RAB7A: variants seen among roughly 807,000 people sequenced by gnomAD.
RAB7A encodes RAB7A, member RAS oncogene family.
RAB7A carries 2 observed loss-of-function variants against 24.5 expected under a neutral mutation model. The observed-to-expected ratio is 0.08, with a 90% CI of 0.03 to 0.26. RAB7A has a LOEUF of 0.26. Among genes scored for constraint, RAB7A ranks in the 10% least tolerant of loss-of-function variants. The pLI, the probability that RAB7A is intolerant of heterozygous loss-of-function variation, is 1.00. For missense variants in RAB7A, 118 were observed against 255.7 expected, an observed-to-expected ratio of 0.46 and a Z score of 3.67; for synonymous variants, 100 against 95.9, an observed-to-expected ratio of 1.04 and a Z score of -0.25.
chr3:128,740,406 AT>A (rs1401126247), intron 1 of RAB7A, among the ~76,000 whole-genome samples: 1 of 152,196 alleles, frequency 6.6e-6, no homozygotes, highest in Non-Finnish European at 1.5e-5. Context: ...TACTTATCTA[AT>A]CATTTCCTTA....
intron 1 of RAB7A, among the ~76,000 whole-genome samples, chr3:128,773,414 GGGA>G (rs1338013009): frequency 6.6e-6 from 1 of 151,330 alleles, no homozygotes; most frequent in Non-Finnish European, 1.5e-5. Context: ...CACCCCGTCC[GGGA>G]GGGAGGTGGG....
chr3:128,763,149 G>A (rs1341496639), intron 1 of RAB7A, among the ~76,000 whole-genome samples: 2 of 146,014 alleles, frequency 1.4e-5, no homozygotes, highest in South Asian at 2.1e-4. Context: ...TCTTTCTTGT[G>A]AAGTGGAAGT....
intron 1 of RAB7A, among the ~76,000 whole-genome samples, chr3:128,730,791 T>TG (rs1283341463): frequency 6.6e-6 from 1 of 152,244 alleles, no homozygotes; most frequent in Non-Finnish European, 1.5e-5. Flanking sequence ...TGCTTGAAGA[T>TG]GCAGTACTTA....
At chr3:128,809,936 CTTTTTTTTTTTTTT>C (rs869119619) in intron 5 of RAB7A, among the ~76,000 whole-genome samples, 2,764 of 52,382 alleles carry the variant, frequency 0.053, 186 homozygotes, top group Non-Finnish European at 0.07. Flanking sequence ...TTGCCACAGT[CTTTTTTTTTTTTTT>C]TTTTTTTTTT....
At chr3:128,782,050 G>A (rs1013809843) in intron 1 of RAB7A, among the ~76,000 whole-genome samples, 2 of 152,226 alleles carry the variant, frequency 1.3e-5, no homozygotes, top group Admixed American at 6.5e-5. Context: ...AAAACCGGAA[G>A]GTTGGCTTTC....
chr3:128,792,373 T>A (rs1410784275), intron 1 of RAB7A, among the ~76,000 whole-genome samples: 1 of 152,224 alleles, frequency 6.6e-6, no homozygotes, highest in Non-Finnish European at 1.5e-5. Context: ...TCCAAATATC[T>A]TTGCATATCC....
At chr3:128,799,498 T>C (rs144502264) in intron 3 of RAB7A, among the ~76,000 whole-genome samples, 1 of 152,298 alleles carries the variant, frequency 6.6e-6, no homozygotes, top group East Asian at 1.9e-4. Context: ...CTTGCTGAAA[T>C]GTGTGAATGA....
chr3:128,806,335 G>T, intron 3 of RAB7A, 37 bp from the exon 4 acceptor site: 1 of 1,572,470 alleles, frequency 6.4e-7, no homozygotes. Context: ...GCTCTGCCTA[G>T]CATTCTCCCA....
At position 128,737,019 on chromosome 3, in the gene RAB7A, T is replaced by G. The variant is rs568556758; in HGVS notation, c.-9+10660T>G. 6.3e-5 allele frequency among the ~76,000 whole-genome samples: 9 copies of G among 143,804 alleles called. No individual in the cohort carries two copies. In the Admixed American group the frequency reaches 6.4e-4, roughly 10 times the overall value. 94.3% of individuals were successfully genotyped at this position (143,804 alleles called of 152,430 possible). A position where few individuals can be genotyped will look rare whatever the true frequency, so the allele number is the denominator to read the frequency against. ...TGCCCGTCTTTACTCACTAATCACC[T>G]TCCGATCCTAAGAAATTTATTTATT... is the stretch of plus-strand genomic sequence containing the variant. On this transcript the variant is annotated intron_variant, in intron 1 of 5. Transcript: ENST00000265062.
At chr3:128,762,006 TA>T (rs2070779405) in intron 1 of RAB7A, among the ~76,000 whole-genome samples, 1 of 152,246 alleles carries the variant, frequency 6.6e-6, no homozygotes, top group African/African-American at 2.4e-5. Context: ...CCAGTTATCT[TA>T]AAGTGGGATT....
At chr3:128,795,897 G>A (rs1262834826) in intron 2 of RAB7A, among the ~76,000 whole-genome samples, 1 of 151,500 alleles carries the variant, frequency 6.6e-6, no homozygotes, top group Non-Finnish European at 1.5e-5. Flanking sequence ...GACTACAGGC[G>A]CCCGCCACCA....
intron 3 of RAB7A, 95 bp downstream of exon 3, chr3:128,798,164 A>G: frequency 2.0e-6 from 3 of 1,479,314 alleles, no homozygotes; most frequent in Non-Finnish European, 1.9e-6. Flanking sequence ...CCTGTTCTTC[A>G]AATCTTATTA....
rs147341430 is a variant in RAB7A, at chr3:128,765,071, C to CG, written c.-8-30284dup. 2,315 of 1,022,970 alleles carry CG rather than the reference C, an allele frequency of 2.3e-3. 37 individuals are homozygous for CG. The African/African-American group carries it at 0.033, about 14-fold the overall frequency. 63.4% of individuals were successfully genotyped at this position (1,022,970 alleles called of 1,614,324 possible). A position where few individuals can be genotyped will look rare whatever the true frequency, so the allele number is the denominator to read the frequency against. ...TGGCTGCGCGGCGCTGGAGCGGCGG[C>CG]GGGGGCCTTGGGATGGTCCGAGGGT... On this transcript the variant is annotated intron_variant, in intron 1 of 5. Coordinates refer to ENST00000265062, the MANE Select transcript of RAB7A (RefSeq NM_004637.6).
At chr3:128,745,998 T>A (rs2070610555) in intron 1 of RAB7A, among the ~76,000 whole-genome samples, 1 of 152,254 alleles carries the variant, frequency 6.6e-6, no homozygotes, top group East Asian at 1.9e-4. Context: ...TGCTGTATTG[T>A]CAGGATCCAT....
chr3:128,793,708 G>T (rs1369364302), intron 1 of RAB7A, among the ~76,000 whole-genome samples: 2 of 152,186 alleles, frequency 1.3e-5, no homozygotes, highest in Non-Finnish European at 2.9e-5. Flanking sequence ...ATAGTTTGGG[G>T]TATACCTCTC....
In RAB7A at chr3:128,737,624, G is replaced by A. The variant is rs1036509696; in HGVS notation, c.-9+11265G>A. On this transcript the variant is annotated intron_variant, in intron 1 of 5. Coordinates refer to ENST00000265062, the MANE Select transcript of RAB7A (RefSeq NM_004637.6). ...GCCTCCCAAGGTGCTGGGATTACAT[G>A]TGTGAGCCACCTATCTTTCTGTCTC... 8.0e-5 allele frequency among the ~76,000 whole-genome samples: 12 copies of A among 150,890 alleles called. No individual in the cohort carries two copies. The East Asian group carries it at 2.2e-3, about 27-fold the overall frequency.
intron 1 of RAB7A, among the ~76,000 whole-genome samples, chr3:128,789,036 G>C (rs73198849): frequency 0.041 from 6,300 of 152,316 alleles, 178 homozygotes; most frequent in Non-Finnish European, 0.058. Flanking sequence ...AATACTGGTA[G>C]TTTCGCTCTG....
At position 128,786,454 on chromosome 3, in the gene RAB7A, C is replaced by G. The variant is rs1281780020; in HGVS notation, c.-8-8906C>G. On this transcript the variant is annotated intron_variant, in intron 1 of 5. Transcript: ENST00000265062. ...GCAAATATTGCTTGCCTACTTCACT[C>G]TGAGCCTTGAAGTCAATCAGTTTTG... Among the ~76,000 whole-genome samples, 6 of 152,180 alleles carry G rather than the reference C, an allele frequency of 3.9e-5. No individual in the cohort carries two copies. The East Asian group carries it at 9.6e-4, about 24-fold the overall frequency.
chr3:128,791,131 T>C (rs909930954), intron 1 of RAB7A, among the ~76,000 whole-genome samples: 1 of 152,078 alleles, frequency 6.6e-6, no homozygotes, highest in African/African-American at 2.4e-5. Flanking sequence ...TCATGAAAAC[T>C]TCTTCATGTT....
Sources: gnomAD v4.1 joint callset for allele counts (sites outside exome capture counted in the v4.1 genomes callset) on GRCh38, gnomAD v4.1.1 for gene constraint, MANE v1.5 for transcripts, NCBI Gene and HGNC (gene_info 2026-07-23, HGNC 2026-07-21) for gene names.